MARCHF1: variants seen among roughly 807,000 people sequenced by gnomAD.
MARCHF1 encodes E3 ubiquitin-protein ligase MARCHF1.
MARCHF1 carries 40 observed loss-of-function variants against 54.2 expected under a neutral mutation model. The ratio of observed to expected loss-of-function variants is 0.74; its 90% CI spans 0.57 to 0.96. The LOEUF is 0.96. MARCHF1 is among the 40% of genes least tolerant of loss of function. The probability of loss-of-function intolerance (pLI) is 0.00; values close to 1 mark genes in which losing one functional copy is unlikely to be tolerated. For missense variants in MARCHF1, 586 were observed against 656.5 expected (o/e 0.89, Z 1.17); for synonymous variants, 236 against 236.3 (o/e 1.00, Z 0.01).
chr4:164,123,370 TA>T (rs1756111523), intron 1 of MARCHF1, among the ~76,000 whole-genome samples: 1 of 152,092 alleles, frequency 6.6e-6, no homozygotes, highest in Non-Finnish European at 1.5e-5. Context: ...ATTGTTAAAA[TA>T]CCCATACTAC....
At chr4:164,021,867 T>TATATA (rs1553970642) in intron 2 of MARCHF1, among the ~76,000 whole-genome samples, 6 of 146,992 alleles carry the variant, frequency 4.1e-5, no homozygotes, top group African/African-American at 1.5e-4. Flanking sequence ...AAAAAAAAAA[T>TATATA]TATATATATA....
At chr4:164,170,737 AT>A (rs1434684050) in intron 1 of MARCHF1, among the ~76,000 whole-genome samples, 1 of 152,160 alleles carries the variant, frequency 6.6e-6, no homozygotes, top group Non-Finnish European at 1.5e-5. Flanking sequence ...AGAAGAAATT[AT>A]ACTTCAAATA....
chr4:163,937,567 A>G (rs1413453765), intron 3 of MARCHF1, among the ~76,000 whole-genome samples: 4 of 152,084 alleles, frequency 2.6e-5, no homozygotes, highest in Admixed American at 6.6e-5. Context: ...ACGCACACAC[A>G]TATAATTTTC....
intron 3 of MARCHF1, among the ~76,000 whole-genome samples, chr4:163,934,536 G>A (rs910469710): frequency 6.9e-6 from 1 of 144,306 alleles, no homozygotes; most frequent in Non-Finnish European, 1.5e-5. Context: ...TCCAGCCTGG[G>A]TGACAGAGTA....
chr4:164,157,816 T>C (rs1036085), intron 1 of MARCHF1, among the ~76,000 whole-genome samples: 27,003 of 151,990 alleles, frequency 0.18, 3,639 homozygotes, highest in African/African-American at 0.37. Flanking sequence ...AAGTTCCAAA[T>C]AGGGACACAT....
intron 2 of MARCHF1, among the ~76,000 whole-genome samples, chr4:164,109,926 A>AAAAAAAAAAAAAAAAT (rs1755797439): frequency 6.7e-6 from 1 of 149,540 alleles, no homozygotes; most frequent in Non-Finnish European, 1.5e-5. Flanking sequence ...AAAAAAAAAA[A>AAAAAAAAAAAAAAAAT]AAAAAAAAAA....
At chr4:164,087,171 CT>C (rs1169960089) in intron 2 of MARCHF1, among the ~76,000 whole-genome samples, 4 of 151,906 alleles carry the variant, frequency 2.6e-5, no homozygotes, top group African/African-American at 9.7e-5. Context: ...TGAAAATTTT[CT>C]TTTTTCTAAA....
intron 1 of MARCHF1, among the ~76,000 whole-genome samples, chr4:164,312,313 C>CTTT (rs1734872727): frequency 8.9e-6 from 1 of 112,118 alleles, no homozygotes; most frequent in Non-Finnish European, 1.9e-5. Context: ...GAATTATTTT[C>CTTT]TTTTTCTTTT....
chr4:164,311,173 C>T (rs1734841083), intron 1 of MARCHF1, among the ~76,000 whole-genome samples: 1 of 152,026 alleles, frequency 6.6e-6, no homozygotes, highest in South Asian at 2.1e-4. Flanking sequence ...TAACCGTCCT[C>T]TATACTGAAT....
intron 1 of MARCHF1, among the ~76,000 whole-genome samples, chr4:164,140,562 T>C (rs1343898754): frequency 6.6e-6 from 1 of 152,130 alleles, no homozygotes; most frequent in African/African-American, 2.4e-5. Flanking sequence ...TGCATGTAGG[T>C]ATATTTCTTC....
chr4:164,029,781 G>A lies in MARCHF1; in HGVS notation c.-247-41072C>T, dbSNP rs758413598. On this transcript the variant is annotated intron_variant, in intron 2 of 9. Transcript: ENST00000514618. Reference sequence around the variant, plus strand: ...AGCTAATTTTTGTATTTTAAGTAGAGACAGCGTTTCACCGTGTTGGCCAGG... The same window carrying A: ...AGCTAATTTTTGTATTTTAAGTAGAAACAGCGTTTCACCGTGTTGGCCAGG... 6.6e-5 allele frequency among the ~76,000 whole-genome samples: 10 copies of A among 152,174 alleles called. No homozygotes were observed. The South Asian group carries it at 8.3e-4, about 13-fold the overall frequency.
Position 164,303,130 on chromosome 4 carries a change from C to T in MARCHF1, c.-323+80740G>A, listed in dbSNP as rs540493022. ...TATTTCTGCTCCTTGGGATGGTTCA[C>T]GGTTTCCCTCTAGTTTGGAATAAGT... On this transcript the variant is annotated intron_variant, in intron 1 of 9. Transcript: ENST00000514618. 2.0e-5 allele frequency among the ~76,000 whole-genome samples: 3 copies of T among 152,172 alleles called. No individual in the cohort carries two copies. The East Asian group carries it at 5.8e-4, about 29-fold the overall frequency.
At chr4:164,064,545 TTTGGGCTTAGATA>T (rs1754687653) in intron 2 of MARCHF1, among the ~76,000 whole-genome samples, 1 of 152,228 alleles carries the variant, frequency 6.6e-6, no homozygotes, top group Admixed American at 6.5e-5. Context: ...TTAAGAAGCT[TTTGGGCTTAGATA>T]ATGGGATTTT....
chr4:164,286,617 T>C (rs1734152831), intron 1 of MARCHF1, among the ~76,000 whole-genome samples: 1 of 151,688 alleles, frequency 6.6e-6, no homozygotes, highest in Admixed American at 6.6e-5. Context: ...GCCATGGGAA[T>C]ATGTGCTCAA....
intron 1 of MARCHF1, among the ~76,000 whole-genome samples, chr4:164,235,676 CT>C (rs1197161965): frequency 6.6e-6 from 1 of 151,544 alleles, no homozygotes; most frequent in Non-Finnish European, 1.5e-5. Context: ...TAAGTGGGAG[CT>C]AAGCTATGAG....
At chr4:164,163,777 C>T (rs1469306971) in intron 1 of MARCHF1, among the ~76,000 whole-genome samples, 3 of 151,844 alleles carry the variant, frequency 2.0e-5, no homozygotes, top group Admixed American at 6.6e-5. Flanking sequence ...CTAATTAATA[C>T]CAAACTATAC....
intron 3 of MARCHF1, among the ~76,000 whole-genome samples, chr4:163,888,709 G>C (rs191157864): frequency 9.2e-5 from 14 of 152,116 alleles, no homozygotes; most frequent in Non-Finnish European, 1.8e-4. Flanking sequence ...CATTTTCTAA[G>C]CCTATAAGGC....
chr4:163,866,481 T>TATATATATAA lies in MARCHF1; in HGVS notation c.-38-12313_-38-12312insTTATATATAT, dbSNP rs1167768240. On this transcript the variant is annotated intron_variant, in intron 3 of 9. Coordinates refer to ENST00000514618, the MANE Select transcript of MARCHF1 (RefSeq NM_001394959.1). ...AAAGCTGTAGTTATATATATATATATAATAGGACTGTAGTAGTTTATATAA... is the reference window on the plus strand; with the variant it reads ...AAAGCTGTAGTTATATATATATATATATATATATAAAATAGGACTGTAGTAGTTTATATAA... Among the ~76,000 whole-genome samples, 79 of 145,476 alleles carry TATATATATAA rather than the reference T, an allele frequency of 5.4e-4. 1 individual carries two copies. The highest frequency in any genetic ancestry group is 1.9e-3 in the African/African-American group (76 of 40,592).
At chr4:163,594,256 T>C (rs1188846013) in intron 7 of MARCHF1, among the ~76,000 whole-genome samples, 1 of 152,100 alleles carries the variant, frequency 6.6e-6, no homozygotes. Flanking sequence ...TGCTTAGAAG[T>C]AGGATTGACT....
Sources: allele counts gnomAD v4.1 joint callset (sites outside exome capture counted in the v4.1 genomes callset), GRCh38; gene constraint gnomAD v4.1.1; transcripts MANE v1.5; gene names NCBI Gene and HGNC (gene_info 2026-07-23, HGNC 2026-07-21).